The following PODXL2 variants were observed in gnomAD, a reference collection of about 807,000 sequenced individuals.
PODXL2 encodes podocalyxin like 2.
In PODXL2, 17 loss-of-function variants were observed where a neutral mutation model predicts 53.4. The observed-to-expected ratio is 0.32, with a 90% confidence interval of 0.22 to 0.48. The LOEUF is 0.48. Ranked by LOEUF, PODXL2 falls within the 20% of genes least tolerant of loss-of-function variation. The pLI is 0.99. For synonymous variants in PODXL2, 311 were observed against 306.7 expected, an observed-to-expected ratio of 1.01 and a Z score of -0.15; for missense variants, 673 against 760.0, an observed-to-expected ratio of 0.89 and a Z score of 1.35.
chr3:127,648,885 C>T (rs987541546), intron 2 of PODXL2, among the ~76,000 whole-genome samples: 6 of 151,268 alleles, frequency 4.0e-5, no homozygotes, highest in South Asian at 4.2e-4. Flanking sequence ...CTCTGTCTCC[C>T]GGATTCAAGC....
chr3:127,671,296 AG>A, intron 6 of PODXL2, 137 bp from the exon 7 acceptor site: 1 of 739,928 alleles, frequency 1.4e-6, no homozygotes, highest in Non-Finnish European at 2.2e-6. Context: ...CCCAGGCGCC[AG>A]GGAACTTCAG....
chr3:127,666,649 A>G (rs1387103261), intron 4 of PODXL2, among the ~76,000 whole-genome samples: 1 of 152,134 alleles, frequency 6.6e-6, no homozygotes, highest in Non-Finnish European at 1.5e-5. Flanking sequence ...GGCCCAAGTG[A>G]TCCACCTCCC....
In PODXL2 at chr3:127,635,072, G is replaced by GC. The variant is rs1260841429; in HGVS notation, c.71-4167dup. 6.6e-5 allele frequency among the ~76,000 whole-genome samples: 10 copies of GC among 152,264 alleles called. No homozygotes were observed. The South Asian group carries it at 1.0e-3, about 16-fold the overall frequency. ...GAAGTGTGGGGCATTTCGGCCATGT[G>GC]CCCCCCTGAGTGGCATGGTTGTCTA... is the stretch of plus-strand genomic sequence containing the variant. On this transcript the variant is annotated intron_variant, in intron 1 of 7. Coordinates refer to ENST00000342480, the MANE Select transcript of PODXL2 (RefSeq NM_015720.4).
intron 1 of PODXL2, among the ~76,000 whole-genome samples, chr3:127,636,426 C>G (rs1198507027): frequency 6.6e-6 from 1 of 152,212 alleles, no homozygotes; most frequent in Non-Finnish European, 1.5e-5. Flanking sequence ...GAGTACAAGT[C>G]CTTAATTCAT....
At chr3:127,648,964 G>A (rs1047670559) in intron 2 of PODXL2, among the ~76,000 whole-genome samples, 1 of 151,710 alleles carries the variant, frequency 6.6e-6, no homozygotes, top group Admixed American at 6.6e-5. Context: ...GCTAATTTTT[G>A]TATTTTCAGT....
chr3:127,638,972 C>T lies in PODXL2; in HGVS notation c.71-273C>T, dbSNP rs78877316. On this transcript the variant is annotated intron_variant, in intron 1 of 7. Coordinates refer to ENST00000342480, the MANE Select transcript of PODXL2 (RefSeq NM_015720.4). ...GAGGCATTTTCTGAGTGACCACATG[C>T]GCAGTGGAACACTGACTCAGTGATT... Among the ~76,000 whole-genome samples, 659 of 152,296 alleles carry T rather than the reference C, an allele frequency of 4.3e-3. 2 individuals carry two copies. Among genetic ancestry groups the T allele is most frequent in the African/African-American group, 0.015 (621 of 41,540 alleles).
intron 2 of PODXL2, among the ~76,000 whole-genome samples, chr3:127,643,533 TTA>T (rs1275287908): frequency 1.3e-5 from 2 of 152,136 alleles, no homozygotes; most frequent in African/African-American, 4.8e-5. Flanking sequence ...TAAAATGTTT[TTA>T]TGTGTTTTTC....
At chr3:127,640,074 G>A (rs543924426) in intron 2 of PODXL2, among the ~76,000 whole-genome samples, 3 of 152,232 alleles carry the variant, frequency 2.0e-5, no homozygotes, top group African/African-American at 4.8e-5. Flanking sequence ...TAGAGCTGGT[G>A]TTTGGATCTA....
chr3:127,672,402 G>A lies in PODXL2; in HGVS notation c.1740G>A (p.Pro580=), dbSNP rs1186756672. The A allele has an allele frequency of 1.9e-6, 3 of 1,542,806 alleles. No individual in the cohort carries two copies. Among genetic ancestry groups the A allele is most frequent in the African/African-American group, 1.4e-5 (1 of 72,964 alleles). ...SLNGGGALNG[P]GSWGALMGGK... ...ACGGCGGCGGGGCCCTCAACGGCCC[G>A]GGGAGCTGGGGGGCGCTCATGGGGG... The change falls in exon 8 of 8, where the codon CCG becomes CCA. Residue 580 remains proline (P), a synonymous_variant. Transcript: ENST00000342480.
At position 127,657,576 on chromosome 3, in the gene PODXL2, G is replaced by A. The variant is rs181730042; in HGVS notation, c.350-2802G>A. Among the ~76,000 whole-genome samples, 140 of 152,202 alleles carry A rather than the reference G, an allele frequency of 9.2e-4. 1 individual carries two copies. Among genetic ancestry groups the A allele is most frequent in the Middle Eastern group, 6.8e-3 (2 of 294 alleles). The stretch of plus-strand genomic sequence containing the variant: ...GTCATCACCGCCATGCATCTCTCCC[G>A]AATCACTGCAGCAACTCCCTGACTC... On this transcript the variant is annotated intron_variant, in intron 2 of 7. Coordinates refer to ENST00000342480, the MANE Select transcript of PODXL2 (RefSeq NM_015720.4).
Position 127,629,710 on chromosome 3 carries a change from G to A in PODXL2, c.70+421G>A, listed in dbSNP as rs1400003869. On this transcript the variant is annotated intron_variant, in intron 1 of 7. Coordinates refer to ENST00000342480, the MANE Select transcript of PODXL2 (RefSeq NM_015720.4). This position sits in a 1 kb window ranked among gnomAD's most constrained non-coding sequence, Gnocchi z 6.4. ...GTGTGTGACAGCCACGCGGGGAGGAGGCCGCATTGTGAAGGTCCCAGGGGC... is the reference window on the plus strand; with the variant it reads ...GTGTGTGACAGCCACGCGGGGAGGAAGCCGCATTGTGAAGGTCCCAGGGGC... Among the ~76,000 whole-genome samples the A allele has an allele frequency of 6.6e-6, 1 of 152,156 alleles. No homozygotes were observed. Among genetic ancestry groups the A allele is most frequent in the Non-Finnish European group, 1.5e-5 (1 of 68,008 alleles).
chr3:127,664,053 T>C (rs959627817), intron 4 of PODXL2, among the ~76,000 whole-genome samples: 1 of 152,230 alleles, frequency 6.6e-6, no homozygotes, highest in Non-Finnish European at 1.5e-5. Context: ...AGTTCAGTTG[T>C]GTTAAGTATA....
At chr3:127,652,615 C>T (rs1222212282) in intron 2 of PODXL2, among the ~76,000 whole-genome samples, 1 of 152,196 alleles carries the variant, frequency 6.6e-6, no homozygotes, top group Non-Finnish European at 1.5e-5. Flanking sequence ...TTCCTGAGGA[C>T]AGGGATGAAT....
At chr3:127,657,891 G>A (rs2074735132) in intron 2 of PODXL2, among the ~76,000 whole-genome samples, 1 of 152,156 alleles carries the variant, frequency 6.6e-6, no homozygotes, top group South Asian at 2.1e-4. Context: ...TGTTTTGTGG[G>A]TGTGATTTCC....
At chr3:127,663,959 A>G (rs1230343711) in intron 4 of PODXL2, among the ~76,000 whole-genome samples, 1 of 152,220 alleles carries the variant, frequency 6.6e-6, no homozygotes, top group Non-Finnish European at 1.5e-5. Context: ...CCTCCACTCA[A>G]TTAGTCATCA....
chr3:127,633,131 A>G (rs1284918939), intron 1 of PODXL2, among the ~76,000 whole-genome samples: 1 of 152,216 alleles, frequency 6.6e-6, no homozygotes, highest in East Asian at 1.9e-4. Flanking sequence ...AAGAGAAGAG[A>G]TTCCTTCAAT....
intron 2 of PODXL2, among the ~76,000 whole-genome samples, chr3:127,648,622 CTT>C (rs1273421049): frequency 1.1e-4 from 16 of 141,732 alleles, no homozygotes; most frequent in Non-Finnish European, 1.7e-4. Context: ...TCTTTCTGGA[CTT>C]TTTTTTTTTT....
intron 4 of PODXL2, among the ~76,000 whole-genome samples, chr3:127,664,626 G>T (rs1298737238): frequency 6.6e-6 from 1 of 152,050 alleles, no homozygotes; most frequent in African/African-American, 2.4e-5. Flanking sequence ...GCCAGCACTA[G>T]GGTTCCAGTG....
rs1376627014 is a variant in PODXL2 at position 127,662,329 on chromosome 3, C to T, written c.1206+18C>T. 1 of 1,604,352 alleles carries T rather than the reference C, an allele frequency of 6.2e-7. No homozygotes were observed. The highest frequency in any genetic ancestry group is 8.5e-7 in the Non-Finnish European group (1 of 1,173,248). On this transcript the variant is annotated intron_variant, in intron 4 of 7. Transcript: ENST00000342480. ...TAGACTGTGTGAGTGCCCAGCCAGG[C>T]TCCGAACCGCAGGGAAAGGCTGCAG... is the stretch of plus-strand genomic sequence containing the variant.
Sources: gnomAD v4.1 joint callset for allele counts (sites outside exome capture counted in the v4.1 genomes callset) on GRCh38, gnomAD v4.1.1 for gene constraint, Gnocchi (gnomAD v3.1) non-coding constraint, MANE v1.5 for transcripts, NCBI Gene and HGNC (gene_info 2026-07-23, HGNC 2026-07-21) for gene names.